The following VRK2 variants were observed in gnomAD, a reference collection of about 807,000 sequenced individuals.
The protein encoded by VRK2 is VRK serine/threonine kinase 2.
VRK2 carries 60 observed loss-of-function variants against 57.6 expected under a neutral mutation model. The observed-to-expected ratio is 1.04, with a 90% CI of 0.85 to 1.29. The LOEUF (loss-of-function observed/expected upper bound fraction) is 1.29, where lower values mean the gene tolerates loss of function less well. Ranked by LOEUF, VRK2 falls within the 50% of genes most tolerant of loss-of-function variation. VRK2 has a pLI of 0.00. For synonymous variants in VRK2, 231 were observed against 199.2 expected (o/e 1.16, Z -1.35); for missense variants, 705 against 588.1 (o/e 1.20, Z -2.06).
intron 7 of VRK2, among the ~76,000 whole-genome samples, chr2:58,101,126 A>T (rs994230559): frequency 6.2e-4 from 94 of 151,706 alleles, no homozygotes; most frequent in African/African-American, 2.1e-3. Flanking sequence ...TATGATTTAG[A>T]ATCCATGGTT....
intron 7 of VRK2, among the ~76,000 whole-genome samples, chr2:58,111,393 G>A (rs970933372): frequency 2.0e-5 from 3 of 152,074 alleles, no homozygotes; most frequent in Non-Finnish European, 2.9e-5. Context: ...GCTGTCCCTC[G>A]TACTCATGGA....
At chr2:57,988,230 C>A (rs1672658849) in intron 1 of VRK2, among the ~76,000 whole-genome samples, 1 of 152,150 alleles carries the variant, frequency 6.6e-6, no homozygotes, top group Admixed American at 6.5e-5. Flanking sequence ...TTTTCTCTTC[C>A]ATTTTCTCTT....
intron 12 of VRK2, 157 bp from the exon 13 acceptor site, chr2:58,159,192 T>TC: frequency 1.8e-6 from 1 of 568,756 alleles, no homozygotes; most frequent in East Asian, 2.9e-5. Flanking sequence ...GTGTAAATCT[T>TC]TAAGATCTTT....
intron 7 of VRK2, among the ~76,000 whole-genome samples, chr2:58,120,538 G>T (rs1233826307): frequency 6.6e-6 from 1 of 152,004 alleles, no homozygotes; most frequent in African/African-American, 2.4e-5. Context: ...GCCCTTCAAG[G>T]TTTGAGCAAC....
intron 7 of VRK2, among the ~76,000 whole-genome samples, chr2:58,120,303 G>C (rs1677278707): frequency 1.4e-5 from 2 of 145,660 alleles, no homozygotes; most frequent in South Asian, 4.4e-4. Flanking sequence ...CAATTCTCCT[G>C]CCTCAGCTTC....
intron 1 of VRK2, among the ~76,000 whole-genome samples, chr2:57,909,106 G>T (rs1308939816): frequency 6.6e-6 from 1 of 152,166 alleles, no homozygotes; most frequent in Non-Finnish European, 1.5e-5. Context: ...TGGAGCTCAT[G>T]AACTGCTTTT....
intron 2 of VRK2, among the ~76,000 whole-genome samples, chr2:58,032,562 C>CG (rs1674149553): frequency 1.3e-5 from 2 of 151,980 alleles, no homozygotes; most frequent in South Asian, 4.1e-4. Context: ...CTTGGACTGA[C>CG]GCAGTTCTCC....
chr2:58,090,507 T>C (rs1672230222), intron 7 of VRK2, among the ~76,000 whole-genome samples: 1 of 152,122 alleles, frequency 6.6e-6, no homozygotes. Context: ...ATTAGCAGTA[T>C]GTGGCTAAGT....
At chr2:58,027,768 G>T (rs943203595) in intron 2 of VRK2, among the ~76,000 whole-genome samples, 7 of 152,248 alleles carry the variant, frequency 4.6e-5, no homozygotes, top group African/African-American at 1.7e-4. Context: ...AAGATTTATA[G>T]AAGTATAAGT....
intron 2 of VRK2, among the ~76,000 whole-genome samples, chr2:58,083,148 T>C (rs917168082): frequency 2.0e-5 from 3 of 151,796 alleles, no homozygotes; most frequent in Non-Finnish European, 4.4e-5. Flanking sequence ...TAGTTCCACC[T>C]TTTTTCCTTT....
chr2:58,130,088 A>G (rs1209163783), intron 8 of VRK2, among the ~76,000 whole-genome samples: 1 of 152,214 alleles, frequency 6.6e-6, no homozygotes, highest in Non-Finnish European at 1.5e-5. Flanking sequence ...CATTACTTAC[A>G]GCTTCATATC....
At chr2:58,106,349 T>G (rs1674747810) in intron 7 of VRK2, among the ~76,000 whole-genome samples, 2 of 152,026 alleles carry the variant, frequency 1.3e-5, no homozygotes, top group South Asian at 4.1e-4. Context: ...ACAGTCCTAT[T>G]TAATCAAACA....
intron 1 of VRK2, among the ~76,000 whole-genome samples, chr2:57,922,964 T>C (rs139049898): frequency 6.6e-6 from 1 of 151,896 alleles, no homozygotes; most frequent in African/African-American, 2.4e-5. Flanking sequence ...TAAGTGAGAA[T>C]ATGAGAAGTT....
intron 12 of VRK2, among the ~76,000 whole-genome samples, chr2:58,158,170 T>TTA (rs1553431413): frequency 1.2e-4 from 18 of 151,958 alleles, no homozygotes; most frequent in Non-Finnish European, 2.1e-4. Flanking sequence ...TAAATGCTGC[T>TTA]CTATGATTTG....
chr2:58,119,264 A>C (rs1278709530), intron 7 of VRK2, among the ~76,000 whole-genome samples: 1 of 151,844 alleles, frequency 6.6e-6, no homozygotes, highest in African/African-American at 2.4e-5. Flanking sequence ...TTGGGAGACC[A>C]AGGTGGGTGG....
intron 1 of VRK2, among the ~76,000 whole-genome samples, chr2:57,922,250 T>C (rs948420463): frequency 2.6e-5 from 4 of 152,038 alleles, no homozygotes; most frequent in East Asian, 1.9e-4. Flanking sequence ...ACAGGAAAGA[T>C]ACGCATTCTA....
chr2:58,117,551 AGAAG>A (rs1290405053), intron 7 of VRK2, among the ~76,000 whole-genome samples: 3 of 152,102 alleles, frequency 2.0e-5, no homozygotes, highest in African/African-American at 7.2e-5. Context: ...CGGGAGGGAA[AGAAG>A]GAAGATTTGG....
intron 1 of VRK2, among the ~76,000 whole-genome samples, chr2:57,945,628 T>A (rs1312732065): frequency 6.6e-6 from 1 of 150,788 alleles, no homozygotes; most frequent in Non-Finnish European, 1.5e-5. Flanking sequence ...AATGGCTTTT[T>A]AACTTTCTGC....
intron 11 of VRK2, among the ~76,000 whole-genome samples, chr2:58,143,241 T>G (rs1681599165): frequency 6.6e-6 from 1 of 151,982 alleles, no homozygotes; most frequent in Non-Finnish European, 1.5e-5. Flanking sequence ...TATTCTTGAT[T>G]TTATAGAACA....
Sources: gnomAD v4.1 joint callset for allele counts (sites outside exome capture counted in the v4.1 genomes callset) on GRCh38, gnomAD v4.1.1 for gene constraint, MANE v1.5 for transcripts, NCBI Gene and HGNC (gene_info 2026-07-23, HGNC 2026-07-21) for gene names.